CNTN4: variants seen among roughly 807,000 people sequenced by gnomAD.
CNTN4 encodes contactin-4.
A neutral mutation model predicts 122.5 loss-of-function variants in CNTN4; 77 were observed. The observed-to-expected ratio is 0.63, with a 90% confidence interval of 0.52 to 0.76. CNTN4 has a LOEUF of 0.76. Ranked by LOEUF, CNTN4 falls within the 30% of genes least tolerant of loss-of-function variation. The pLI is 0.00. For missense variants in CNTN4, 1,256 were observed against 1,259.1 expected, an observed-to-expected ratio of 1.00 and a Z score of 0.04; for synonymous variants, 512 against 447.0, an observed-to-expected ratio of 1.15 and a Z score of -1.83.
chr3:2,274,029 CT>C (rs753877029), intron 2 of CNTN4, among the ~76,000 whole-genome samples: 2 of 152,108 alleles, frequency 1.3e-5, no homozygotes, highest in African/African-American at 2.4e-5. Flanking sequence ...GGTAGATACA[CT>C]TTTCCATTCT....
chr3:2,816,157 A>G (rs1273391582), intron 6 of CNTN4, among the ~76,000 whole-genome samples: 1 of 151,824 alleles, frequency 6.6e-6, no homozygotes, highest in Non-Finnish European at 1.5e-5. Context: ...GATCGAGACC[A>G]TCCTGGCTAA....
intron 2 of CNTN4, among the ~76,000 whole-genome samples, chr3:2,285,949 T>G (rs542183143): frequency 1.3e-5 from 2 of 152,290 alleles, no homozygotes; most frequent in South Asian, 4.1e-4. Flanking sequence ...CTCTTGAAGA[T>G]GAATTCCTGC....
rs372667697 is a variant in CNTN4 at position 2,276,314 on chromosome 3, A to G, written c.-144-62864A>G. Among the ~76,000 whole-genome samples the G allele has an allele frequency of 3.0e-4, 46 of 152,140 alleles. No homozygotes were observed. The East Asian group carries it at 5.5e-3, about 18-fold the overall frequency. The stretch of plus-strand genomic sequence containing the variant: ...CAGCCTCCCGAGTAGGTAGGATTAC[A>G]GGTGCAAGCCACTGTGCTCAGCTAT... On this transcript the variant is annotated intron_variant, in intron 2 of 24. Coordinates refer to ENST00000418658, the MANE Select transcript of CNTN4 (RefSeq NM_175607.3).
In CNTN4 at chr3:2,279,183, C is replaced by A. The variant is rs1047048869; in HGVS notation, c.-144-59995C>A. 2.0e-5 allele frequency among the ~76,000 whole-genome samples: 3 copies of A among 149,340 alleles called. 1 individual carries two copies. The highest frequency in any genetic ancestry group is 7.7e-5 in the African/African-American group (3 of 39,018). ...AAATAAATAAAATTATTGATTCAGG[C>A]AAGGAATAAGGATTAATAAATTTGA... On this transcript the variant is annotated intron_variant, in intron 2 of 24. Coordinates refer to ENST00000418658, the MANE Select transcript of CNTN4 (RefSeq NM_175607.3).
chr3:2,590,586 C>T (rs1048388396), intron 4 of CNTN4, among the ~76,000 whole-genome samples: 15 of 151,984 alleles, frequency 9.9e-5, no homozygotes, highest in African/African-American at 3.4e-4. Context: ...TAATGTCTTA[C>T]ATGAGTTGGT....
intron 12 of CNTN4, among the ~76,000 whole-genome samples, chr3:2,911,551 A>C (rs2094299809): frequency 6.6e-6 from 1 of 152,196 alleles, no homozygotes; most frequent in Non-Finnish European, 1.5e-5. Flanking sequence ...ACATGGCCCA[A>C]CCAAAGGAAC....
At chr3:2,243,511 T>C (rs2040020678) in intron 2 of CNTN4, among the ~76,000 whole-genome samples, 1 of 148,786 alleles carries the variant, frequency 6.7e-6, no homozygotes. Flanking sequence ...ATGAGATTGT[T>C]TTGTGATTTT....
chr3:2,512,414 C>A (rs1392567103), intron 3 of CNTN4, among the ~76,000 whole-genome samples: 2 of 152,042 alleles, frequency 1.3e-5, no homozygotes, highest in Non-Finnish European at 2.9e-5. Context: ...TATGTATCCT[C>A]AAATGCCATC....
chr3:2,285,590 A>G (rs2041873771), intron 2 of CNTN4, among the ~76,000 whole-genome samples: 1 of 152,118 alleles, frequency 6.6e-6, no homozygotes, highest in Non-Finnish European at 1.5e-5. Flanking sequence ...CTCATATTAA[A>G]AAATATCGTT....
intron 3 of CNTN4, among the ~76,000 whole-genome samples, chr3:2,559,831 G>A (rs575616056): frequency 6.6e-6 from 1 of 152,218 alleles, no homozygotes; most frequent in Admixed American, 6.5e-5. Context: ...CTCTTTGAGA[G>A]TATGTGTTCA....
intron 3 of CNTN4, among the ~76,000 whole-genome samples, chr3:2,482,299 A>G (rs916586331): frequency 6.6e-6 from 1 of 152,178 alleles, no homozygotes; most frequent in Non-Finnish European, 1.5e-5. Flanking sequence ...CCCCTGCCCT[A>G]GAGATCTGTG....
intron 3 of CNTN4, among the ~76,000 whole-genome samples, chr3:2,526,372 C>T (rs185701504): frequency 6.6e-6 from 1 of 152,090 alleles, no homozygotes; most frequent in Non-Finnish European, 1.5e-5. Flanking sequence ...ACAAATTCTT[C>T]CCTATGACTA....
intron 6 of CNTN4, among the ~76,000 whole-genome samples, chr3:2,801,475 C>T (rs1008169514): frequency 2.0e-5 from 3 of 152,172 alleles, no homozygotes; most frequent in Non-Finnish European, 4.4e-5. Context: ...TGTAGCCTCA[C>T]ACATCACTGT....
rs764141616 is a variant in CNTN4, at chr3:2,723,694, G to T, written c.56-12521G>T. 2.6e-5 allele frequency among the ~76,000 whole-genome samples: 4 copies of T among 152,196 alleles called. No individual in the cohort carries two copies. The South Asian group carries it at 8.3e-4, about 32-fold the overall frequency. ...GGGCCTTACCTCTAAATACTGTTGC[G>T]TTGAGGATTAAGTTTCAACATAAAT... On this transcript the variant is annotated intron_variant, in intron 4 of 24. Coordinates refer to ENST00000418658, the MANE Select transcript of CNTN4 (RefSeq NM_175607.3).
intron 2 of CNTN4, among the ~76,000 whole-genome samples, chr3:2,233,046 G>T (rs956015691): frequency 6.6e-6 from 1 of 152,076 alleles, no homozygotes; most frequent in Admixed American, 6.5e-5. Flanking sequence ...TTAATGGGGC[G>T]CCTGTTAAGA....
intron 15 of CNTN4, among the ~76,000 whole-genome samples, chr3:3,030,354 T>C (rs1699059938): frequency 1.3e-5 from 2 of 152,212 alleles, no homozygotes; most frequent in Admixed American, 1.3e-4. Flanking sequence ...TTGGAGAATC[T>C]GGTCTTCCTA....
intron 2 of CNTN4, among the ~76,000 whole-genome samples, chr3:2,213,699 C>A (rs943284913): frequency 2.6e-5 from 4 of 152,164 alleles, no homozygotes; most frequent in Non-Finnish European, 5.9e-5. Context: ...GTCAGCTTTC[C>A]CCCTGAAAAG....
At chr3:2,637,601 A>C (rs2082717081) in intron 4 of CNTN4, among the ~76,000 whole-genome samples, 1 of 152,072 alleles carries the variant, frequency 6.6e-6, no homozygotes, top group Non-Finnish European at 1.5e-5. Context: ...AACATCACTG[A>C]GCTCTGAAGG....
intron 4 of CNTN4, among the ~76,000 whole-genome samples, chr3:2,594,792 G>C (rs2080685726): frequency 1.3e-5 from 2 of 152,030 alleles, no homozygotes; most frequent in Admixed American, 1.3e-4. Flanking sequence ...TTGTGTGTGT[G>C]TGTCTGTACC....
Sources: gnomAD v4.1 joint callset for allele counts (sites outside exome capture counted in the v4.1 genomes callset) on GRCh38, gnomAD v4.1.1 for gene constraint, MANE v1.5 for transcripts, NCBI Gene and HGNC (gene_info 2026-07-23, HGNC 2026-07-21) for gene names.